Variants in SFTPA2 observed in about 807,000 individuals in gnomAD.
SFTPA2 encodes surfactant protein A2.
SFTPA2 carries 21 observed loss-of-function variants against 20.3 expected under a neutral mutation model. The observed-to-expected ratio is 1.03, with a 90% CI of 0.73 to 1.49. SFTPA2 has a LOEUF of 1.49. Among genes scored for constraint, SFTPA2 ranks in the 40% most tolerant of loss-of-function variants. The probability of loss-of-function intolerance (pLI) is 0.00; values close to 1 mark genes in which losing one functional copy is unlikely to be tolerated. For missense variants in SFTPA2, 302 were observed against 314.8 expected (o/e 0.96, Z 0.31); for synonymous variants, 116 against 118.7 (o/e 0.98, Z 0.15).
At chr10:79,557,910 C>T (rs1858888798) in intron 5 of SFTPA2, 142 bp downstream of exon 5, 1 of 1,395,330 alleles carries the variant, frequency 7.2e-7, no homozygotes, top group South Asian at 1.2e-5. Context: ...CATTCAAAGA[C>T]ATCAGAAAAG....
Position 79,557,193 on chromosome 10 carries a change from A to G in SFTPA2, c.*16T>C, listed in dbSNP as rs1250781858. ...GGCCAGACAGGATCCTCCCTGTCCC[A>G]TGGCCTAAATGCCTCTCAGAACTCA... On this transcript the variant is annotated 3_prime_UTR_variant, in exon 6 of 6. Transcript: ENST00000372325. 7 of 1,614,188 alleles carry G rather than the reference A, an allele frequency of 4.3e-6. No homozygotes were observed. In the South Asian group the frequency reaches 4.4e-5, roughly 10 times the overall value.
rs374604304 is a variant in SFTPA2 at position 79,557,425 on chromosome 10, G to A, written c.531C>T (p.Phe177=). Residue 177 remains phenylalanine (F), a synonymous_variant, in exon 6 of 6, where the codon TTC becomes TTT. Transcript: ENST00000372325. The stretch of plus-strand genomic sequence containing the variant: ...AGGCATATGTGTTGTACTTCTTCAC[G>A]AAGCTTGCAATGGCCTCATTTTCCT... ...NPEENEAIAS[F]VKKYNTYAYV... 130 of 1,613,908 alleles carry A rather than the reference G, an allele frequency of 8.1e-5. No individual in the cohort carries two copies. The highest frequency in any genetic ancestry group is 8.0e-4 in the African/African-American group (60 of 75,016).
rs373487997 is a variant in SFTPA2, at chr10:79,558,537, T to G, written c.292+349A>C. ...CTGTGGGGCTCCTGATCACACCATC[T>G]GCCTGGATGCCTCGTCCGCATTCAC... On this transcript the variant is annotated intron_variant, in intron 4 of 5. Transcript: ENST00000372325. Among the ~76,000 whole-genome samples, 68 of 152,160 alleles carry G rather than the reference T, an allele frequency of 4.5e-4. 1 individual carries two copies. The East Asian group carries it at 0.013, about 28-fold the overall frequency.
chr10:79,556,179 C>A lies in SFTPA2; in HGVS notation c.*1030G>T. On this transcript the variant is annotated 3_prime_UTR_variant, in exon 6 of 6. Transcript: ENST00000372325. ...ATAGCCTTTGTGTGTAGTAACGGCTCTGGTAGTAATTTTGCTAGCTGGAGA... is the reference window on the plus strand; with the variant it reads ...ATAGCCTTTGTGTGTAGTAACGGCTATGGTAGTAATTTTGCTAGCTGGAGA... 1 of 167,624 alleles carries A rather than the reference C, an allele frequency of 6.0e-6. No homozygotes were observed. 10.4% of individuals were successfully genotyped at this position (167,624 alleles called of 1,614,324 possible). A position where few individuals can be genotyped will look rare whatever the true frequency, so the allele number is the denominator to read the frequency against.
chr10:79,558,085 CGTG>C lies in SFTPA2; in HGVS notation c.334_336del (p.His112del). ...GTCTGCAGGATTTGATGTCTGAAGT[CGTG>C]GAGTGTGGCTTGGAGCTCCTCATCT... On this transcript the variant is annotated inframe_deletion, in exon 5 of 6. Transcript: ENST00000372325. The C allele has an allele frequency of 6.2e-7, 1 of 1,614,020 alleles. No homozygotes were observed. Among genetic ancestry groups the C allele is most frequent in the Non-Finnish European group, 8.5e-7 (1 of 1,179,998 alleles).
chr10:79,559,659 A>G, intron 2 of SFTPA2, 153 bp from the exon 3 acceptor site: 2 of 1,557,434 alleles, frequency 1.3e-6, no homozygotes, highest in South Asian at 2.4e-5. Context: ...GGAAAATTCC[A>G]AGCATCACCT....
At chr10:79,559,591 C>T (rs1859063698) in intron 2 of SFTPA2, 85 bp from the exon 3 acceptor site, 1 of 1,598,878 alleles carries the variant, frequency 6.3e-7, no homozygotes, top group Non-Finnish European at 8.5e-7. Context: ...GGAAGCTGGG[C>T]AGAGCCCGAG....
rs1858762473 is a variant in SFTPA2 at position 79,556,112 on chromosome 10, A to G, written c.*1097T>C. Reference sequence around the variant, plus strand: ...ATAGTACATAATAAACTGTATTAAAAGATTTTGTCAAGGTGTGTGGCACAT... The same window carrying G: ...ATAGTACATAATAAACTGTATTAAAGGATTTTGTCAAGGTGTGTGGCACAT... On this transcript the variant is annotated 3_prime_UTR_variant, in exon 6 of 6. Coordinates refer to ENST00000372325, the MANE Select transcript of SFTPA2 (RefSeq NM_001098668.4). The G allele has an allele frequency of 6.0e-6, 1 of 166,056 alleles. No homozygotes were observed. The highest frequency in any genetic ancestry group is 1.9e-4 in the East Asian group (1 of 5,198). The allele number at this position is 166,056 out of a possible 1,614,324, so 10.3% of individuals were successfully genotyped here.
intron 3 of SFTPA2, 33 bp downstream of exon 3, chr10:79,559,279 C>T (rs772532469): frequency 5.0e-6 from 8 of 1,613,122 alleles, no homozygotes; most frequent in Non-Finnish European, 5.9e-6. Flanking sequence ...GGTCTGTGTC[C>T]CTCAGCTGAG....
At position 79,557,933 on chromosome 10, in the gene SFTPA2, C is replaced by A. The variant is rs1257926266; in HGVS notation, c.370+119G>T. ...GACATCAGAAAAGCAAGCATCATTC[C>A]TTTCCCCAACACCTGCATGTGCACG... On this transcript the variant is annotated intron_variant, in intron 5 of 5. Transcript: ENST00000372325. 15 of 1,514,482 alleles carry A rather than the reference C, an allele frequency of 9.9e-6. No homozygotes were observed. The Admixed American group carries it at 1.9e-4, about 19-fold the overall frequency. The allele number at this position is 1,514,482 out of a possible 1,614,324, so 93.8% of individuals were successfully genotyped here.
At position 79,557,320 on chromosome 10, in the gene SFTPA2, G is replaced by C; in HGVS notation, c.636C>G (p.Tyr212Ter). 1 of 1,613,486 alleles carries C rather than the reference G, an allele frequency of 6.2e-7. No homozygotes were observed. The highest frequency in any genetic ancestry group is 8.5e-7 in the Non-Finnish European group (1 of 1,179,468). ...DGTPVNYTNW[Y>*]RGEPAGRGKE... is the part of the protein sequence containing the mutation. ...TTCCCCGACCTGCAGGCTCCCCTCGGTACCAGTTGGTGTAGTTTACAGGGG... is the reference window on the plus strand; with the variant it reads ...TTCCCCGACCTGCAGGCTCCCCTCGCTACCAGTTGGTGTAGTTTACAGGGG... The change falls in exon 6 of 6, where the codon TAC (tyrosine) becomes TAG (stop). Residue 212 changes from tyrosine to a stop codon, truncating the protein, a stop_gained. Coordinates refer to ENST00000372325, the MANE Select transcript of SFTPA2 (RefSeq NM_001098668.4). LOFTEE classifies it high-confidence loss of function.
chr10:79,559,751 G>A (rs1033134414), intron 2 of SFTPA2: 8 of 1,529,136 alleles, frequency 5.2e-6, no homozygotes, highest in Admixed American at 2.1e-5. Context: ...GGAAGAGTAA[G>A]GAGCTCTGGG....
In SFTPA2 at chr10:79,558,033, G is replaced by T. The variant is rs760707959; in HGVS notation, c.370+19C>A. The T allele has an allele frequency of 9.9e-5, 160 of 1,613,914 alleles. No homozygotes were observed. In the Admixed American group the frequency reaches 2.6e-3, roughly 26 times the overall value. On this transcript the variant is annotated intron_variant, in intron 5 of 5. Transcript: ENST00000372325. Reference sequence around the variant, plus strand: ...TTGTGGGAAACTCCTACCCCGTGAGGCCCAGGGGGTCCCCTTACCTCCCCT... The same window carrying T: ...TTGTGGGAAACTCCTACCCCGTGAGTCCCAGGGGGTCCCCTTACCTCCCCT...
In SFTPA2 at chr10:79,560,017, G is replaced by A; in HGVS notation, c.-53-19C>T. ...CAGCGACCTGAGAATGAAAAGAGATGAATAGGGCCCACAGCCTGGACCCTT... is the reference window on the plus strand; with the variant it reads ...CAGCGACCTGAGAATGAAAAGAGATAAATAGGGCCCACAGCCTGGACCCTT... On this transcript the variant is annotated intron_variant, in intron 1 of 5. Transcript: ENST00000372325. The A allele has an allele frequency of 8.7e-7, 1 of 1,149,738 alleles. No individual in the cohort carries two copies. The allele number at this position is 1,149,738 out of a possible 1,614,324, so 71.2% of individuals were successfully genotyped here. A position where few individuals can be genotyped will look rare whatever the true frequency, so the allele number is the denominator to read the frequency against.
chr10:79,556,943 C>T lies in SFTPA2; in HGVS notation c.*266G>A. On this transcript the variant is annotated 3_prime_UTR_variant, in exon 6 of 6. Coordinates refer to ENST00000372325, the MANE Select transcript of SFTPA2 (RefSeq NM_001098668.4). ...AGATGGGGAATAAGGAGGCCTCCAT[C>T]TCATGCCAAAGGCCAAGGCTAGGAG... 1 of 586,600 alleles carries T rather than the reference C, an allele frequency of 1.7e-6. No individual in the cohort carries two copies. The highest frequency in any genetic ancestry group is 2.1e-5 in the South Asian group (1 of 48,450). 36.3% of individuals were successfully genotyped at this position (586,600 alleles called of 1,614,324 possible).
Position 79,558,041 on chromosome 10 carries a change from G to A in SFTPA2, c.370+11C>T, listed in dbSNP as rs751847566. 2 of 1,614,052 alleles carry A rather than the reference G, an allele frequency of 1.2e-6. No homozygotes were observed. Among genetic ancestry groups the A allele is most frequent in the Non-Finnish European group, 1.7e-6 (2 of 1,180,008 alleles). ...AACTCCTACCCCGTGAGGCCCAGGGGGTCCCCTTACCTCCCCTTGTCTGCA... is the reference window on the plus strand; with the variant it reads ...AACTCCTACCCCGTGAGGCCCAGGGAGTCCCCTTACCTCCCCTTGTCTGCA... On this transcript the variant is annotated intron_variant, in intron 5 of 5. Coordinates refer to ENST00000372325, the MANE Select transcript of SFTPA2 (RefSeq NM_001098668.4).
Position 79,556,137 on chromosome 10 carries a change from T to A in SFTPA2, c.*1072A>T, listed in dbSNP as rs1858764397. On this transcript the variant is annotated 3_prime_UTR_variant, in exon 6 of 6. Transcript: ENST00000372325. ...AGATTTTGTCAAGGTGTGTGGCACA[T>A]GGTATGTGCTCGGTCAATAGCCTTT... The A allele has an allele frequency of 6.0e-6, 1 of 167,020 alleles. No homozygotes were observed. The highest frequency in any genetic ancestry group is 6.5e-5 in the Admixed American group (1 of 15,284). The allele number at this position is 167,020 out of a possible 1,614,324, so 10.3% of individuals were successfully genotyped here.
chr10:79,558,158 G>A lies in SFTPA2; in HGVS notation c.293-29C>T, dbSNP rs368621958. 72 of 1,613,836 alleles carry A rather than the reference G, an allele frequency of 4.5e-5. No individual in the cohort carries two copies. In the African/African-American group the frequency reaches 8.7e-4, roughly 19 times the overall value. On this transcript the variant is annotated intron_variant, in intron 4 of 5. Coordinates refer to ENST00000372325, the MANE Select transcript of SFTPA2 (RefSeq NM_001098668.4). ...TGGAGAGTGCCCCACACAGAAGGAG[G>A]GGCAGGCCAGTGAAGACTCCCACTT...
chr10:79,557,086 C>T lies in SFTPA2; in HGVS notation c.*123G>A, dbSNP rs965725722. 6.2e-4 allele frequency: 967 copies of T among 1,550,216 alleles called. 4 individuals are homozygous for T. The African/African-American group carries it at 0.011, about 18-fold the overall frequency. ...ATGAAGTGGCTAAGGGTGCCTCCAG[C>T]TCTAATAGCCACAAGTGAATTCTGT... On this transcript the variant is annotated 3_prime_UTR_variant, in exon 6 of 6. Transcript: ENST00000372325.
Sources: allele counts gnomAD v4.1 joint callset (sites outside exome capture counted in the v4.1 genomes callset), GRCh38; gene constraint gnomAD v4.1.1; transcripts MANE v1.5; gene names NCBI Gene and HGNC (gene_info 2026-07-23, HGNC 2026-07-21).